KCNH7: variants seen among roughly 807,000 people sequenced by gnomAD.
KCNH7 encodes the protein voltage-gated inwardly rectifying potassium channel KCNH7.
A neutral mutation model predicts 120.8 loss-of-function variants in KCNH7; 49 were observed. The observed-to-expected ratio is 0.41, with a 90% CI of 0.32 to 0.51. KCNH7 has a LOEUF of 0.51. KCNH7 is among the 20% of genes least tolerant of loss of function. KCNH7 has a pLI of 0.38. For synonymous variants in KCNH7, 547 were observed against 516.1 expected (o/e 1.06, Z -0.81); for missense variants, 1,097 against 1,446.6 (o/e 0.76, Z 3.92).
intron 2 of KCNH7, among the ~76,000 whole-genome samples, chr2:162,586,464 T>C (rs1273727533): frequency 6.6e-6 from 1 of 151,864 alleles, no homozygotes; most frequent in African/African-American, 2.4e-5. Context: ...ACAGCCCATC[T>C]CCCCTCAAAA....
intron 2 of KCNH7, among the ~76,000 whole-genome samples, chr2:162,576,237 C>A (rs1356109796): frequency 6.6e-6 from 1 of 151,930 alleles, no homozygotes; most frequent in African/African-American, 2.4e-5. Context: ...TTTTCTTTGA[C>A]ACTATTTGAG....
At chr2:162,737,789 G>A (rs1289767160) in intron 2 of KCNH7, among the ~76,000 whole-genome samples, 3 of 152,242 alleles carry the variant, frequency 2.0e-5, no homozygotes, top group South Asian at 4.1e-4. Flanking sequence ...GAAAGGCTGG[G>A]TGTGGTAGCT....
intron 2 of KCNH7, among the ~76,000 whole-genome samples, chr2:162,624,816 A>C (rs1460085736): frequency 6.6e-6 from 1 of 150,820 alleles, no homozygotes; most frequent in Non-Finnish European, 1.5e-5. Context: ...CAGCTGAGCA[A>C]TGATTCATAT....
At chr2:162,480,643 G>C (rs1478375379) in intron 6 of KCNH7, among the ~76,000 whole-genome samples, 1 of 152,044 alleles carries the variant, frequency 6.6e-6, no homozygotes, top group African/African-American at 2.4e-5. Flanking sequence ...CAGAAAACAT[G>C]GCTTTTTATT....
At chr2:162,481,062 C>G (rs1169300772) in intron 6 of KCNH7, among the ~76,000 whole-genome samples, 2 of 152,116 alleles carry the variant, frequency 1.3e-5, no homozygotes, top group African/African-American at 2.4e-5. Flanking sequence ...TCTTCTGGCT[C>G]CTCCAGACTG....
intron 4 of KCNH7, among the ~76,000 whole-genome samples, chr2:162,515,097 G>C (rs894479615): frequency 6.6e-6 from 1 of 151,666 alleles, no homozygotes; most frequent in Non-Finnish European, 1.5e-5. Flanking sequence ...TTGCTAATCA[G>C]TGATTTTGTA....
chr2:162,446,909 A>T lies in KCNH7; in HGVS notation c.1129-466T>A, dbSNP rs1313173610. On this transcript the variant is annotated intron_variant, in intron 6 of 15. Coordinates refer to ENST00000332142, the MANE Select transcript of KCNH7 (RefSeq NM_033272.4). ...TTACATATATTTAATTTATAATTAC[A>T]CCTTGATAAATTAAACCCAACTCAT... Among the ~76,000 whole-genome samples, 4 of 152,108 alleles carry T rather than the reference A, an allele frequency of 2.6e-5. No individual in the cohort carries two copies. In the East Asian group the frequency reaches 7.7e-4, roughly 29 times the overall value.
At chr2:162,420,155 C>T (rs1351932461) in intron 9 of KCNH7, among the ~76,000 whole-genome samples, 3 of 152,044 alleles carry the variant, frequency 2.0e-5, no homozygotes, top group Non-Finnish European at 4.4e-5. Context: ...GGCGGCAGAT[C>T]ACTTGAGATC....
intron 2 of KCNH7, among the ~76,000 whole-genome samples, chr2:162,670,367 G>C (rs965891737): frequency 6.6e-6 from 1 of 150,736 alleles, no homozygotes; most frequent in Non-Finnish European, 1.5e-5. Context: ...TTAGCTACTC[G>C]GGAGTCTGAG....
At chr2:162,623,388 C>T (rs1012421352) in intron 2 of KCNH7, among the ~76,000 whole-genome samples, 1 of 152,064 alleles carries the variant, frequency 6.6e-6, no homozygotes, top group Non-Finnish European at 1.5e-5. Flanking sequence ...TATGGTTTCA[C>T]CTAACAGTAA....
rs372083087 is a variant in KCNH7 at position 162,595,580 on chromosome 2, C to A, written c.308-58500G>T. 2.5e-4 allele frequency among the ~76,000 whole-genome samples: 38 copies of A among 152,022 alleles called. No homozygotes were observed. In the South Asian group the frequency reaches 7.7e-3, roughly 31 times the overall value. ...AGGAGGAAAGTTTCTCAACACAATA[C>A]AGGCCATATATGACAAGCCTACAGT... On this transcript the variant is annotated intron_variant, in intron 2 of 15. Transcript: ENST00000332142.
chr2:162,647,914 CT>C (rs1458363271), intron 2 of KCNH7, among the ~76,000 whole-genome samples: 1 of 151,956 alleles, frequency 6.6e-6, no homozygotes, highest in Non-Finnish European at 1.5e-5. Context: ...GTGGTGGGTA[CT>C]AAATAAACAA....
intron 2 of KCNH7, among the ~76,000 whole-genome samples, chr2:162,821,502 T>A (rs1685119602): frequency 6.6e-6 from 1 of 152,198 alleles, no homozygotes; most frequent in South Asian, 2.1e-4. Context: ...AACTCACTGG[T>A]TTGGAAAGCC....
intron 2 of KCNH7, among the ~76,000 whole-genome samples, chr2:162,674,900 G>A (rs890004415): frequency 6.6e-6 from 1 of 151,570 alleles, no homozygotes; most frequent in African/African-American, 2.4e-5. Flanking sequence ...AATAAGGAAA[G>A]ATTTATTAAT....
chr2:162,395,042 T>A (rs1482594330), intron 11 of KCNH7, among the ~76,000 whole-genome samples: 1 of 151,920 alleles, frequency 6.6e-6, no homozygotes, highest in African/African-American at 2.4e-5. Context: ...TATGATTTTT[T>A]AATAATATTT....
chr2:162,532,648 C>G (rs928938769), intron 3 of KCNH7, among the ~76,000 whole-genome samples: 7 of 151,902 alleles, frequency 4.6e-5, no homozygotes, highest in Non-Finnish European at 7.4e-5. Flanking sequence ...CACACGTTTC[C>G]CAAAGGGGAT....
intron 9 of KCNH7, among the ~76,000 whole-genome samples, chr2:162,420,351 G>T (rs1316376814): frequency 6.6e-6 from 1 of 152,118 alleles, no homozygotes; most frequent in South Asian, 2.1e-4. Context: ...ACTCTAGGCT[G>T]GGAAATAGAG....
intron 2 of KCNH7, among the ~76,000 whole-genome samples, chr2:162,585,949 T>G (rs1191329600): frequency 5.9e-5 from 9 of 152,230 alleles, no homozygotes; most frequent in South Asian, 2.1e-4. Flanking sequence ...CTTAAAGCGT[T>G]TATCAAACCC....
intron 6 of KCNH7, among the ~76,000 whole-genome samples, chr2:162,499,865 A>G (rs1690617512): frequency 6.6e-6 from 1 of 152,048 alleles, no homozygotes; most frequent in South Asian, 2.1e-4. Flanking sequence ...CTTATTTTGG[A>G]AACTTCTCAC....
Sources: gnomAD v4.1 joint callset for allele counts (sites outside exome capture counted in the v4.1 genomes callset) on GRCh38, gnomAD v4.1.1 for gene constraint, MANE v1.5 for transcripts, NCBI Gene and HGNC (gene_info 2026-07-23, HGNC 2026-07-21) for gene names.